The following B3GNT8 variants were observed in gnomAD, a reference collection of about 807,000 sequenced individuals.
The protein encoded by B3GNT8 is N-acetyllactosaminide beta-1,3-N-acetylglucosaminyltransferase 8.
For synonymous variants in B3GNT8, 258 were observed against 238.3 expected, an observed-to-expected ratio of 1.08 and a Z score of -0.76; for missense variants, 502 against 530.5, an observed-to-expected ratio of 0.95 and a Z score of 0.53.
chr19:41,427,857 C>A (rs1456025013), upstream of B3GNT8, among the ~76,000 whole-genome samples: 1 of 143,184 alleles, frequency 7.0e-6, no homozygotes, highest in Non-Finnish European at 1.5e-5. The surrounding 1 kb of genome is among the most constrained non-coding windows in gnomAD (Gnocchi z 5.6). Context: ...GCTGCCCAGT[C>A]AGGGTGAGGT....
At position 41,426,572 on chromosome 19, in the gene B3GNT8, G is replaced by C; in HGVS notation, c.207C>G (p.Pro69=). 6.2e-7 allele frequency: 1 copy of C among 1,606,140 alleles called. No homozygotes were observed. Among genetic ancestry groups the C allele is most frequent in the South Asian group, 1.1e-5 (1 of 90,156 alleles). Residue 69 remains proline (P), a synonymous_variant, in exon 2 of 2, where the codon CCC becomes CCG. Coordinates refer to ENST00000691102, the MANE Select transcript of B3GNT8 (RefSeq NM_001385648.2). The surrounding 1 kb of genome is among the most constrained non-coding windows in gnomAD (Gnocchi z 4.9). ...STRLGQTIPL[P]FAYWNQQQWR... ...ACTGCTGCTGGTTCCAGTAAGCAAA[G>C]GGCAGCGGGATAGTCTGGCCCAGGC...
rs147647792 is a variant in B3GNT8, at chr19:41,425,888, G to A, written c.891C>T (p.Phe297=). The A allele has an allele frequency of 1.7e-4, 277 of 1,613,184 alleles. No individual in the cohort carries two copies. Among genetic ancestry groups the A allele is most frequent in the Middle Eastern group, 4.9e-4 (3 of 6,062 alleles). ...GGPFYVPESF[F]EGGYPAYASG... The stretch of plus-strand genomic sequence containing the variant: ...TTGCATAGGCTGGGTAGCCACCTTC[G>A]AAGAAGGACTCGGGCACATAGAAGG... Residue 297 remains phenylalanine, a synonymous_variant, in exon 2 of 2, where the codon TTC becomes TTT. Coordinates refer to ENST00000691102, the MANE Select transcript of B3GNT8 (RefSeq NM_001385648.2).
chr19:41,426,631 G>A lies in B3GNT8; in HGVS notation c.148C>T (p.Pro50Ser). The change falls in exon 2 of 2, where the codon CCT becomes TCT. Residue 50 changes from proline (P) to serine (S), a missense_variant. Coordinates refer to ENST00000691102, the MANE Select transcript of B3GNT8 (RefSeq NM_001385648.2). The surrounding 1 kb of genome is among the most constrained non-coding windows in gnomAD (Gnocchi z 4.9). ...GTPPSPTPAN[P>S]EPTLPANLST... is the part of the protein sequence containing the mutation. ...AGGTTGGCAGGTAGGGTGGGCTCAG[G>A]GTTGGCTGGCGTGGGGCTTGGCGGG... 6.2e-7 allele frequency: 1 copy of A among 1,613,262 alleles called. No homozygotes were observed. Among genetic ancestry groups the A allele is most frequent in the Non-Finnish European group, 8.5e-7 (1 of 1,179,708 alleles).
In B3GNT8 at chr19:41,425,865, G is replaced by A. The variant is rs2039426639; in HGVS notation, c.914C>T (p.Ala305Val). The A allele has an allele frequency of 6.2e-7, 1 of 1,613,204 alleles. No homozygotes were observed. The highest frequency in any genetic ancestry group is 1.7e-5 in the Admixed American group (1 of 60,030). Residue 305 changes from alanine (A) to valine (V), a missense_variant, in exon 2 of 2, where the codon GCA (alanine) becomes GTA (valine). By Grantham distance (64) the Ala-to-Val change is moderately conservative (BLOSUM62 0). Coordinates refer to ENST00000691102, the MANE Select transcript of B3GNT8 (RefSeq NM_001385648.2). The part of the protein sequence containing the change: ...SFFEGGYPAY[A>V]SGGGYVIAGR... ...GGCAATGACGTAGCCACCCCCGCTTGCATAGGCTGGGTAGCCACCTTCGAA... is the reference window on the plus strand; with the variant it reads ...GGCAATGACGTAGCCACCCCCGCTTACATAGGCTGGGTAGCCACCTTCGAA...
chr19:41,426,885 G>T lies in B3GNT8; in HGVS notation c.-32-75C>A, dbSNP rs878931253. On this transcript the variant is annotated intron_variant, in intron 1 of 1. Transcript: ENST00000691102. This position sits in a 1 kb window ranked among gnomAD's most constrained non-coding sequence, Gnocchi z 4.9. Reference sequence around the variant, plus strand: ...GGGCCTCCAGAGAGGGCCCAGCCAGGCCCCAGGCAGACAGCTTCACAATCT... The same window carrying T: ...GGGCCTCCAGAGAGGGCCCAGCCAGTCCCCAGGCAGACAGCTTCACAATCT... The T allele has an allele frequency of 8.9e-7, 1 of 1,123,294 alleles. No individual in the cohort carries two copies. The highest frequency in any genetic ancestry group is 1.3e-5 in the South Asian group (1 of 75,878). The allele number at this position is 1,123,294 out of a possible 1,614,324, so 69.6% of individuals were successfully genotyped here.
Position 41,426,841 on chromosome 19 carries a change from G to A in B3GNT8, c.-32-31C>T. 6.5e-7 allele frequency: 1 copy of A among 1,546,398 alleles called. No homozygotes were observed. The highest frequency in any genetic ancestry group is 8.8e-7 in the Non-Finnish European group (1 of 1,139,202). On this transcript the variant is annotated intron_variant, in intron 1 of 1. Transcript: ENST00000691102. The surrounding 1 kb of genome is among the most constrained non-coding windows in gnomAD (Gnocchi z 4.9). ...AGGGAGCCACAGGGGAGCCACGGAG[G>A]CCATTGGGGTGTGGGGATGGGCCTC...
In B3GNT8 at chr19:41,426,839, A is replaced by T. The variant is rs1015648241; in HGVS notation, c.-32-29T>A. 2.6e-6 allele frequency: 4 copies of T among 1,555,106 alleles called. No individual in the cohort carries two copies. The African/African-American group carries it at 5.4e-5, about 21-fold the overall frequency. ...CAAGGGAGCCACAGGGGAGCCACGG[A>T]GGCCATTGGGGTGTGGGGATGGGCC... is the stretch of plus-strand genomic sequence containing the variant. On this transcript the variant is annotated intron_variant, in intron 1 of 1. Transcript: ENST00000691102. The surrounding 1 kb of genome is among the most constrained non-coding windows in gnomAD (Gnocchi z 4.9).
upstream of B3GNT8, among the ~76,000 whole-genome samples, chr19:41,428,249 G>A (rs1346291474): frequency 1.3e-5 from 2 of 151,970 alleles, no homozygotes; most frequent in Non-Finnish European, 2.9e-5. The surrounding 1 kb of genome is among the most constrained non-coding windows in gnomAD (Gnocchi z 6.1). Context: ...GACGGGGTGG[G>A]GCCCACGGGG....
In B3GNT8 at chr19:41,426,515, G is replaced by A; in HGVS notation, c.264C>T (p.Ser88=). 1 of 1,594,564 alleles carries A rather than the reference G, an allele frequency of 6.3e-7. No individual in the cohort carries two copies. The highest frequency in any genetic ancestry group is 1.1e-5 in the South Asian group (1 of 87,770). The change falls in exon 2 of 2, where the codon AGC becomes AGT. Residue 88 remains serine (S), a synonymous_variant. Transcript: ENST00000691102. This position sits in a 1 kb window ranked among gnomAD's most constrained non-coding sequence, Gnocchi z 4.9. ...WRLGSLPSGD[S]TETGGCQAWG... ...AAGCCTGGCAGCCCCCCGTTTCAGT[G>A]CTGTCCCCACTGGGCAGGGACCCCA... is the stretch of plus-strand genomic sequence containing the variant.
chr19:41,426,401 G>C lies in B3GNT8; in HGVS notation c.378C>G (p.Ser126Arg). 1 of 1,612,300 alleles carries C rather than the reference G, an allele frequency of 6.2e-7. No homozygotes were observed. The highest frequency in any genetic ancestry group is 8.5e-7 in the Non-Finnish European group (1 of 1,179,938). Residue 126 changes from serine (S) to arginine (R), a missense_variant, in exon 2 of 2, where the codon AGC (serine) becomes AGG (arginine). Physicochemically the swap from Ser to Arg is moderately radical, Grantham distance 110. Coordinates refer to ENST00000691102, the MANE Select transcript of B3GNT8 (RefSeq NM_001385648.2). The surrounding 1 kb of genome is among the most constrained non-coding windows in gnomAD (Gnocchi z 4.9). The part of the protein sequence containing the change: ...RRFLLSAACR[S>R]FPQWLPGGGG... ...CACCTCCAGGCAGCCACTGTGGGAA[G>C]CTCCGGCAGGCTGCTGACAGCAAGA...
chr19:41,426,348 T>C lies in B3GNT8; in HGVS notation c.431A>G (p.Asp144Gly). ...GGGSQVSSCS[D>G]TDVPYLLLAV... is the part of the protein sequence containing the mutation. ...CAACAGCAGGTAGGGGACATCAGTA[T>C]CTGAGCAGCTGGAGACTTGGCTGCC... is the stretch of plus-strand genomic sequence containing the variant. The change falls in exon 2 of 2, where the codon GAT becomes GGT. Residue 144 changes from aspartate to glycine, a missense_variant. Asp to Gly is a moderately conservative substitution (Grantham distance 94, BLOSUM62 -1). Transcript: ENST00000691102. The surrounding 1 kb of genome is among the most constrained non-coding windows in gnomAD (Gnocchi z 4.9). 3.1e-6 allele frequency: 5 copies of C among 1,613,208 alleles called. No homozygotes were observed. The highest frequency in any genetic ancestry group is 4.2e-6 in the Non-Finnish European group (5 of 1,179,994).
upstream of B3GNT8, among the ~76,000 whole-genome samples, chr19:41,427,748 T>C (rs948954449): frequency 2.0e-5 from 3 of 151,496 alleles, no homozygotes; most frequent in African/African-American, 2.4e-5. The surrounding 1 kb of genome is among the most constrained non-coding windows in gnomAD (Gnocchi z 5.6). Flanking sequence ...ATGGGGAGGC[T>C]GAGAGGCTGG....
upstream of B3GNT8, among the ~76,000 whole-genome samples, chr19:41,427,743 G>A (rs1477149126): frequency 1.3e-5 from 2 of 152,112 alleles, no homozygotes; most frequent in Non-Finnish European, 2.9e-5. This position sits in a 1 kb window ranked among gnomAD's most constrained non-coding sequence, Gnocchi z 5.6. Flanking sequence ...CAGAGATGGG[G>A]AGGCTGAGAG....
At position 41,427,199 on chromosome 19, in the gene B3GNT8, G is replaced by T; in HGVS notation, c.-33+85C>A. ...CAGGAAATCAGGAGCGGGATTCCTA[G>T]CTCCCTGGGGTTAGAAACCCAGCCT... On this transcript the variant is annotated intron_variant, in intron 1 of 1. Transcript: ENST00000691102. The surrounding 1 kb of genome is among the most constrained non-coding windows in gnomAD (Gnocchi z 5.6). The T allele has an allele frequency of 4.8e-6, 1 of 207,604 alleles. No individual in the cohort carries two copies. 12.9% of individuals were successfully genotyped at this position (207,604 alleles called of 1,614,324 possible).
upstream of B3GNT8, among the ~76,000 whole-genome samples, chr19:41,427,889 GAGA>G (rs1568511392): frequency 3.1e-5 from 1 of 32,194 alleles, no homozygotes; most frequent in Non-Finnish European, 9.0e-5. The surrounding 1 kb of genome is among the most constrained non-coding windows in gnomAD (Gnocchi z 5.6). Flanking sequence ...GGCTGGTGAG[GAGA>G]AGGAGAGACA....
At chr19:41,427,818 G>A (rs2039451701), upstream of B3GNT8, among the ~76,000 whole-genome samples, 1 of 152,044 alleles carries the variant, frequency 6.6e-6, no homozygotes, top group Non-Finnish European at 1.5e-5. The surrounding 1 kb of genome is among the most constrained non-coding windows in gnomAD (Gnocchi z 5.6). Flanking sequence ...GAAGGGATCG[G>A]CGGGCCTGCC....
Position 41,425,578 on chromosome 19 carries a change from A to G in B3GNT8, c.*7T>C, listed in dbSNP as rs61443543. On this transcript the variant is annotated 3_prime_UTR_variant, in exon 2 of 2. Transcript: ENST00000691102. Reference sequence around the variant, plus strand: ...CAGGTCAGCACCTCCGCCCTCCCCAATGAGAGTCAGCACTGGAGCCTTGGG... The same window carrying G: ...CAGGTCAGCACCTCCGCCCTCCCCAGTGAGAGTCAGCACTGGAGCCTTGGG... 6.9e-3 allele frequency: 10,091 copies of G among 1,456,142 alleles called. 482 individuals carry two copies. In the African/African-American group the frequency reaches 0.12, roughly 17 times the overall value. 90.2% of individuals were successfully genotyped at this position (1,456,142 alleles called of 1,614,324 possible).
chr19:41,425,409 T>G lies in B3GNT8; in HGVS notation c.*176A>C. On this transcript the variant is annotated 3_prime_UTR_variant, in exon 2 of 2. Coordinates refer to ENST00000691102, the MANE Select transcript of B3GNT8 (RefSeq NM_001385648.2). ...AAAAACAAAAAGTAGGCAAAAACAG[T>G]CCACCACCCCATCTTTCCTGCCCAG... 2.2e-6 allele frequency: 1 copy of G among 455,684 alleles called. No individual in the cohort carries two copies. Among genetic ancestry groups the G allele is most frequent in the Non-Finnish European group, 3.8e-6 (1 of 264,456 alleles). 28.2% of individuals were successfully genotyped at this position (455,684 alleles called of 1,614,324 possible). A position where few individuals can be genotyped will look rare whatever the true frequency, so the allele number is the denominator to read the frequency against.
chr19:41,427,905 G>C (rs578121644), upstream of B3GNT8, among the ~76,000 whole-genome samples: 29 of 151,722 alleles, frequency 1.9e-4, no homozygotes, highest in Non-Finnish European at 4.0e-4. The surrounding 1 kb of genome is among the most constrained non-coding windows in gnomAD (Gnocchi z 5.6). Flanking sequence ...GAGAGACAGA[G>C]ACATTGTGGA....
Sources: gnomAD v4.1 joint callset for allele counts (sites outside exome capture counted in the v4.1 genomes callset) on GRCh38, gnomAD v4.1.1 for gene constraint, Gnocchi (gnomAD v3.1) non-coding constraint, MANE v1.5 for transcripts, NCBI Gene and HGNC (gene_info 2026-07-23, HGNC 2026-07-21) for gene names.